ZFHX3: variants seen among roughly 807,000 people sequenced by gnomAD.
ZFHX3 encodes the protein zinc finger homeobox 3.
ZFHX3 carries 42 observed loss-of-function variants against 279.1 expected under a neutral mutation model. The ratio of observed to expected loss-of-function variants is 0.15; its 90% CI spans 0.12 to 0.19. The LOEUF is 0.19. Ranked by LOEUF, ZFHX3 falls within the 10% of genes least tolerant of loss-of-function variation. The pLI is 1.00. For missense variants in ZFHX3, 4,981 were observed against 4,754.0 expected (o/e 1.05, Z -1.40); for synonymous variants, 2,293 against 1,957.8 (o/e 1.17, Z -4.52).
At chr16:73,777,231 C>T (rs1597110481) in intron 1 of ZFHX3, among the ~76,000 whole-genome samples, 3 of 152,150 alleles carry the variant, frequency 2.0e-5, no homozygotes, top group South Asian at 2.1e-4. Flanking sequence ...AGGCTGGGCA[C>T]GGTGGCTCAT....
At chr16:73,170,231 T>TTTG in intron 5 of ZFHX3, among the ~76,000 whole-genome samples, 1 of 133,354 alleles carries the variant, frequency 7.5e-6, no homozygotes, top group Non-Finnish European at 1.6e-5. Flanking sequence ...TAGTTTTTTT[T>TTTG]TTTTTTTTTT....
chr16:73,413,652 T>C (rs2017513681), intron 3 of ZFHX3, among the ~76,000 whole-genome samples: 1 of 152,218 alleles, frequency 6.6e-6, no homozygotes, highest in South Asian at 2.1e-4. Context: ...TTGGTGCTGA[T>C]GATGTCATTT....
At chr16:73,777,615 CTTT>C (rs1007016895) in intron 1 of ZFHX3, among the ~76,000 whole-genome samples, 2 of 149,372 alleles carry the variant, frequency 1.3e-5, no homozygotes, top group African/African-American at 4.9e-5. Flanking sequence ...GTCCCCAAAT[CTTT>C]TTTTCTCCGT....
chr16:73,675,956 A>G (rs1314471167), intron 2 of ZFHX3, among the ~76,000 whole-genome samples: 1 of 152,092 alleles, frequency 6.6e-6, no homozygotes, highest in Non-Finnish European at 1.5e-5. Context: ...TGCACATCTA[A>G]ACAAAGAATT....
intron 2 of ZFHX3, among the ~76,000 whole-genome samples, chr16:73,512,138 A>G (rs964590777): frequency 6.6e-6 from 1 of 152,018 alleles, no homozygotes; most frequent in African/African-American, 2.4e-5. Flanking sequence ...GTCTTCCATA[A>G]GAATGGATTG....
At chr16:72,839,935 A>C (rs764852759) in intron 4 of ZFHX3, among the ~76,000 whole-genome samples, 31 of 152,178 alleles carry the variant, frequency 2.0e-4, no homozygotes, top group Non-Finnish European at 3.8e-4. Flanking sequence ...TCTGTCTTTC[A>C]ATAACAACCT....
At chr16:73,414,986 C>T (rs2017543456) in intron 3 of ZFHX3, among the ~76,000 whole-genome samples, 1 of 152,184 alleles carries the variant, frequency 6.6e-6, no homozygotes, top group Non-Finnish European at 1.5e-5. Flanking sequence ...TTTTCCTCAT[C>T]TCTGGATTCT....
At chr16:73,592,636 T>G (rs1000094445) in intron 2 of ZFHX3, among the ~76,000 whole-genome samples, 2 of 152,270 alleles carry the variant, frequency 1.3e-5, no homozygotes, top group East Asian at 3.9e-4. Context: ...TGAAACAGAT[T>G]GACCATATGT....
chr16:73,161,475 G>C (rs1567406347), intron 5 of ZFHX3, among the ~76,000 whole-genome samples: 1 of 152,200 alleles, frequency 6.6e-6, no homozygotes, highest in African/African-American at 2.4e-5. Context: ...ATTTGTGGAA[G>C]GGATTATATG....
At chr16:73,665,734 T>C (rs1202417736) in intron 2 of ZFHX3, among the ~76,000 whole-genome samples, 4 of 151,436 alleles carry the variant, frequency 2.6e-5, no homozygotes, top group Non-Finnish European at 5.9e-5. Flanking sequence ...AATAGAGAGA[T>C]GATTTGGCAT....
In ZFHX3 at chr16:72,788,287, C is replaced by T. The variant is rs750284350; in HGVS notation, c.9989G>A (p.Gly3330Glu). The change falls in exon 10 of 10, where the codon GGG becomes GAG. Residue 3330 changes from glycine to glutamate, a missense_variant. By Grantham distance (98) the Gly-to-Glu change is moderately conservative. Coordinates refer to ENST00000268489, the MANE Select transcript of ZFHX3 (RefSeq NM_006885.4). ...CATGCCATACATAGGCTGCAGGTAC[C>T]CGCTCTGCAGGGCGCCAGGGATCTG... Reference protein sequence around the residue: ...APQIPGALQSGYLQPMYGMEG... With the variant: ...APQIPGALQSEYLQPMYGMEG... The T allele has an allele frequency of 1.9e-6, 3 of 1,614,172 alleles. No individual in the cohort carries two copies. The South Asian group carries it at 3.3e-5, about 18-fold the overall frequency.
intron 5 of ZFHX3, among the ~76,000 whole-genome samples, chr16:73,208,593 A>G (rs557055128): frequency 3.3e-5 from 5 of 152,356 alleles, no homozygotes; most frequent in Admixed American, 6.5e-5. Flanking sequence ...ATTAAGTGAC[A>G]AAAGTAGGAG....
chr16:73,549,002 T>G (rs1045938086), intron 2 of ZFHX3, among the ~76,000 whole-genome samples: 6 of 152,174 alleles, frequency 3.9e-5, no homozygotes, highest in African/African-American at 1.4e-4. Context: ...TTTAAAAAAA[T>G]GTATATGCAA....
intron 2 of ZFHX3, among the ~76,000 whole-genome samples, chr16:73,632,557 G>C (rs747797046): frequency 6.6e-6 from 1 of 151,834 alleles, no homozygotes; most frequent in African/African-American, 2.4e-5. Context: ...ATGGTGGCGC[G>C]CACCTGTAGT....
intron 2 of ZFHX3, among the ~76,000 whole-genome samples, chr16:73,458,730 T>C (rs1446753831): frequency 6.6e-6 from 1 of 152,194 alleles, no homozygotes; most frequent in African/African-American, 2.4e-5. Flanking sequence ...CATTTTCTTA[T>C]GCTTTTGTAT....
chr16:73,142,684 A>G (rs962317468), intron 6 of ZFHX3, among the ~76,000 whole-genome samples: 1 of 152,256 alleles, frequency 6.6e-6, no homozygotes, highest in Non-Finnish European at 1.5e-5. Flanking sequence ...GAATTGGCAC[A>G]ATGCTCTGGG....
At chr16:72,987,528 G>A (rs144825556) in intron 1 of ZFHX3, among the ~76,000 whole-genome samples, 33 of 152,278 alleles carry the variant, frequency 2.2e-4, no homozygotes, top group African/African-American at 7.7e-4. Flanking sequence ...GCTCTGGGAG[G>A]TCATTGCCCC....
At chr16:72,931,888 C>T (rs187680342) in intron 3 of ZFHX3, among the ~76,000 whole-genome samples, 3 of 152,294 alleles carry the variant, frequency 2.0e-5, no homozygotes, top group African/African-American at 4.8e-5. Flanking sequence ...CCCCCTTTTA[C>T]GATATTCTGT....
chr16:73,748,190 T>C (rs2053721400), intron 1 of ZFHX3, among the ~76,000 whole-genome samples: 1 of 152,076 alleles, frequency 6.6e-6, no homozygotes, highest in African/African-American at 2.4e-5. Context: ...CATCAGAATA[T>C]GCAAAAATAA....
Sources: gnomAD v4.1 joint callset for allele counts (sites outside exome capture counted in the v4.1 genomes callset) on GRCh38, gnomAD v4.1.1 for gene constraint, MANE v1.5 for transcripts, NCBI Gene and HGNC (gene_info 2026-07-23, HGNC 2026-07-21) for gene names.